Variants in LRP1B observed in about 807,000 individuals in gnomAD.
LRP1B encodes the protein LDL receptor related protein 1B.
In LRP1B, 217 loss-of-function variants were observed where a neutral mutation model predicts 556.6. That is an observed-to-expected ratio of 0.39 (90% CI 0.35 to 0.44). The LOEUF (loss-of-function observed/expected upper bound fraction) is 0.44, where lower values mean the gene tolerates loss of function less well. Ranked by LOEUF, LRP1B falls within the 20% of genes least tolerant of loss-of-function variation. LRP1B has a pLI of 1.00. For missense variants in LRP1B, 5,053 were observed against 5,620.8 expected, an observed-to-expected ratio of 0.90 and a Z score of 3.23; for synonymous variants, 2,047 against 1,865.8, an observed-to-expected ratio of 1.10 and a Z score of -2.50.
At chr2:142,113,796 T>A (rs552878417) in intron 1 of LRP1B, among the ~76,000 whole-genome samples, 3,508 of 152,166 alleles carry the variant, frequency 0.023, 54 homozygotes, top group African/African-American at 0.039. Flanking sequence ...GGCACCATCC[T>A]TTTCAGTGAT....
At chr2:140,424,774 A>G (rs1276550289) in intron 66 of LRP1B, among the ~76,000 whole-genome samples, 1 of 152,184 alleles carries the variant, frequency 6.6e-6, no homozygotes, top group Non-Finnish European at 1.5e-5. Context: ...ATAACCTTGA[A>G]GGGCTCAGGA....
intron 1 of LRP1B, among the ~76,000 whole-genome samples, chr2:141,818,529 A>ATTTT (rs1696636277): frequency 2.1e-5 from 2 of 96,964 alleles, no homozygotes; most frequent in African/African-American, 7.7e-5. Context: ...ACATTTCTGT[A>ATTTT]TCTTTTTTTT....
At chr2:141,931,552 A>G (rs1700505645) in intron 1 of LRP1B, among the ~76,000 whole-genome samples, 1 of 152,012 alleles carries the variant, frequency 6.6e-6, no homozygotes, top group Non-Finnish European at 1.5e-5. Context: ...AAATTTTTCT[A>G]AAGTTTTCTC....
intron 3 of LRP1B, among the ~76,000 whole-genome samples, chr2:141,396,232 G>A (rs1289425871): frequency 6.6e-6 from 1 of 151,998 alleles, no homozygotes; most frequent in Non-Finnish European, 1.5e-5. Flanking sequence ...ACACATACAA[G>A]CAGATTCACA....
chr2:141,837,281 A>G (rs1360273759), intron 1 of LRP1B, among the ~76,000 whole-genome samples: 1 of 152,034 alleles, frequency 6.6e-6, no homozygotes, highest in African/African-American at 2.4e-5. Context: ...GAAGGGTAAG[A>G]CATTAAAATT....
chr2:141,215,004 AAT>A (rs1367305545), intron 6 of LRP1B, among the ~76,000 whole-genome samples: 2 of 152,200 alleles, frequency 1.3e-5, no homozygotes, highest in Middle Eastern at 3.2e-3. Context: ...ATATAGTTTG[AAT>A]ATATGTCTCC....
At chr2:141,314,802 A>G (rs1686938578) in intron 3 of LRP1B, among the ~76,000 whole-genome samples, 1 of 94,834 alleles carries the variant, frequency 1.1e-5, no homozygotes, top group Non-Finnish European at 2.2e-5. Context: ...AAAGAAAAAA[A>G]AAAAAATTTA....
At chr2:140,702,004 G>A in intron 39 of LRP1B, 137 bp downstream of exon 39, 1 of 1,305,160 alleles carries the variant, frequency 7.7e-7, no homozygotes, top group Non-Finnish European at 1.1e-6. Flanking sequence ...AAGAGTACCT[G>A]CCTTTTCTGT....
At chr2:141,099,611 C>G (rs1446847328) in intron 7 of LRP1B, among the ~76,000 whole-genome samples, 1 of 152,190 alleles carries the variant, frequency 6.6e-6, no homozygotes, top group Non-Finnish European at 1.5e-5. Context: ...ACATAGACAT[C>G]TACATGCACA....
chr2:140,297,077 A>AG (rs1006081228), intron 84 of LRP1B, among the ~76,000 whole-genome samples: 9 of 152,072 alleles, frequency 5.9e-5, no homozygotes, highest in African/African-American at 7.2e-5. Flanking sequence ...AGTAGCCAAG[A>AG]GGGAGGGGTC....
intron 41 of LRP1B, among the ~76,000 whole-genome samples, chr2:140,619,139 T>C (rs1051159160): frequency 1.3e-5 from 2 of 151,170 alleles, no homozygotes; most frequent in African/African-American, 4.9e-5. Context: ...AGGAGATGAC[T>C]GCTGTTTCTG....
At position 140,247,148 on chromosome 2, in the gene LRP1B, C is replaced by A. The variant is rs752817139; in HGVS notation, c.13262G>T (p.Trp4421Leu). 1.9e-6 allele frequency: 3 copies of A among 1,608,562 alleles called. No homozygotes were observed. The highest frequency in any genetic ancestry group is 2.6e-6 in the Non-Finnish European group (3 of 1,176,070). Residue 4421 changes from tryptophan (W) to leucine (L), a missense_variant, in exon 87 of 91, where the codon TGG becomes TTG. Physicochemically the swap from Trp to Leu is moderately conservative, Grantham distance 61 (BLOSUM62 -2). Around this residue, in one of 5 missense-constraint regions of LRP1B, gnomAD observed 551 missense variants for 592.0 expected, o/e 0.93. Transcript: ENST00000389484. ...TGGCCTTTCACACTGTGTGCCTGAC[C>A]AGTTGGTGGAGCATCTAAAAATATC... Reference protein sequence around the residue: ...NVPVCLCSTNWSGTQCERPAP... With the variant: ...NVPVCLCSTNLSGTQCERPAP...
intron 33 of LRP1B, among the ~76,000 whole-genome samples, chr2:140,773,788 A>C (rs1689398985): frequency 6.6e-6 from 1 of 151,956 alleles, no homozygotes; most frequent in Non-Finnish European, 1.5e-5. Flanking sequence ...TAATGAAATG[A>C]ATTCTTAGTT....
chr2:140,702,027 C>T (rs946630010), intron 39 of LRP1B, 114 bp downstream of exon 39: 23 of 1,360,692 alleles, frequency 1.7e-5, no homozygotes, highest in Non-Finnish European at 2.1e-5. Flanking sequence ...AAATTACTGG[C>T]TTTGTGAGTT....
At chr2:140,954,365 T>A (rs371325427) in intron 18 of LRP1B, among the ~76,000 whole-genome samples, 2 of 152,144 alleles carry the variant, frequency 1.3e-5, no homozygotes, top group Non-Finnish European at 1.5e-5. Context: ...GACTCAGATA[T>A]GATGAGATCT....
At position 140,595,037 on chromosome 2, in the gene LRP1B, G is replaced by C. The variant is rs1283300836; in HGVS notation, c.7194+3594C>G. Among the ~76,000 whole-genome samples, 5 of 132,850 alleles carry C rather than the reference G, an allele frequency of 3.8e-5. No individual in the cohort carries two copies. The South Asian group carries it at 7.3e-4, about 19-fold the overall frequency. The allele number at this position is 132,850 out of a possible 152,430, so 87.2% of individuals were successfully genotyped here. A position where few individuals can be genotyped will look rare whatever the true frequency, so the allele number is the denominator to read the frequency against. On this transcript the variant is annotated intron_variant, in intron 43 of 90. Transcript: ENST00000389484. ...CAGTGTACTCCAAAATATAAAAATG[G>C]AATTTATCCTGTTGTTTTGCAGATC...
intron 1 of LRP1B, among the ~76,000 whole-genome samples, chr2:141,887,421 T>A (rs1180788534): frequency 6.6e-6 from 1 of 152,198 alleles, no homozygotes; most frequent in African/African-American, 2.4e-5. Flanking sequence ...CATGTGCTAT[T>A]CTTGTGTCTC....
intron 1 of LRP1B, among the ~76,000 whole-genome samples, chr2:141,898,409 GA>G (rs1457382927): frequency 6.6e-6 from 1 of 152,028 alleles, no homozygotes; most frequent in Non-Finnish European, 1.5e-5. Flanking sequence ...TAAACTTATT[GA>G]AGTCAAGTCT....
chr2:141,059,576 AG>A (rs1384024358), intron 8 of LRP1B, among the ~76,000 whole-genome samples: 1 of 151,842 alleles, frequency 6.6e-6, no homozygotes, highest in Non-Finnish European at 1.5e-5. Context: ...CAGCACAGAA[AG>A]TAATATATAA....
Sources: allele counts gnomAD v4.1 joint callset (sites outside exome capture counted in the v4.1 genomes callset), GRCh38; gene constraint gnomAD v4.1.1; regional missense constraint gnomAD v4.1.1; transcripts MANE v1.5; gene names NCBI Gene and HGNC (gene_info 2026-07-23, HGNC 2026-07-21).